The following MLLT10 variants were observed in gnomAD, a reference collection of about 807,000 sequenced individuals.
MLLT10 encodes the protein MLLT10 histone lysine methyltransferase DOT1L cofactor.
MLLT10 carries 30 observed loss-of-function variants against 129.1 expected under a neutral mutation model. That is an observed-to-expected ratio of 0.23 (90% confidence interval 0.17 to 0.32). The LOEUF (loss-of-function observed/expected upper bound fraction) is 0.32. Among genes scored for constraint, MLLT10 ranks in the 10% least tolerant of loss-of-function variants. The pLI, the probability that MLLT10 is intolerant of heterozygous loss-of-function variation, is 1.00. For synonymous variants in MLLT10, 490 were observed against 446.4 expected (o/e 1.10, Z -1.23); for missense variants, 1,119 against 1,268.3 (o/e 0.88, Z 1.79).
At chr10:21,583,531 A>G (rs1174892935) in intron 3 of MLLT10, among the ~76,000 whole-genome samples, 5 of 152,166 alleles carry the variant, frequency 3.3e-5, no homozygotes, top group Non-Finnish European at 7.4e-5. Context: ...TATAAAGAAA[A>G]GAGGTTTATT....
chr10:21,598,175 G>A lies in MLLT10; in HGVS notation c.405+2735G>A, dbSNP rs571449711. Among the ~76,000 whole-genome samples the A allele has an allele frequency of 3.3e-5, 5 of 152,176 alleles. No individual in the cohort carries two copies. In the East Asian group the frequency reaches 9.7e-4, roughly 29 times the overall value. ...CTGTAAGGTGAAGCTTTCTTTACTT[G>A]CTGATTATTTGTATTAGTATGGACT... On this transcript the variant is annotated intron_variant, in intron 5 of 22. Coordinates refer to ENST00000307729, the MANE Select transcript of MLLT10 (RefSeq NM_001195626.3).
intron 9 of MLLT10, among the ~76,000 whole-genome samples, chr10:21,668,508 A>C (rs147130477): frequency 7.2e-5 from 11 of 152,276 alleles, no homozygotes; most frequent in Non-Finnish European, 1.6e-4. Flanking sequence ...AAAAATTGTT[A>C]ACATCTAAAG....
intron 14 of MLLT10, among the ~76,000 whole-genome samples, chr10:21,716,043 C>T (rs562566542): frequency 6.6e-6 from 1 of 152,348 alleles, no homozygotes; most frequent in South Asian, 2.1e-4. Context: ...GTTGACCTCT[C>T]AGTTGAACTG....
At chr10:21,610,365 A>G (rs761879431) in intron 5 of MLLT10, among the ~76,000 whole-genome samples, 3 of 152,188 alleles carry the variant, frequency 2.0e-5, no homozygotes, top group Non-Finnish European at 2.9e-5. Flanking sequence ...GGGAGCCCTC[A>G]TCTTCTTGGC....
At position 21,551,503 on chromosome 10, in the gene MLLT10, A is replaced by G. The variant is rs555444369; in HGVS notation, c.240+12591A>G. 3.0e-4 allele frequency among the ~76,000 whole-genome samples: 46 copies of G among 151,896 alleles called. 3 individuals are homozygous for G. In the South Asian group the frequency reaches 9.4e-3, roughly 31 times the overall value. ...TAGCTTTCAAAGAGGTGGTTTTCAA[A>G]AATTAACACATTTGGTGCTTACCAT... On this transcript the variant is annotated intron_variant, in intron 3 of 22. Transcript: ENST00000307729.
intron 5 of MLLT10, among the ~76,000 whole-genome samples, chr10:21,610,631 T>A (rs934763597): frequency 1.3e-4 from 20 of 151,628 alleles, no homozygotes; most frequent in South Asian, 8.3e-4. Flanking sequence ...TTTTTTTTTT[T>A]ATAAATAAAA....
chr10:21,679,010 C>A (rs1772828153), intron 11 of MLLT10, among the ~76,000 whole-genome samples: 1 of 152,176 alleles, frequency 6.6e-6, no homozygotes, highest in African/African-American at 2.4e-5. Flanking sequence ...TCTCTCATGA[C>A]ATGTTCAAAT....
chr10:21,713,889 A>G lies in MLLT10; in HGVS notation c.1817A>G (p.Gln606Arg). 6.2e-7 allele frequency: 1 copy of G among 1,613,966 alleles called. No individual in the cohort carries two copies. The highest frequency in any genetic ancestry group is 2.2e-5 in the East Asian group (1 of 44,862). The change falls in exon 14 of 23, where the codon CAA (glutamine) becomes CGA (arginine). Residue 606 changes from glutamine to arginine, a missense_variant. By Grantham distance (43) the Gln-to-Arg change is conservative. This residue lies in a region of MLLT10 where 1,004 missense variants were observed against 1,008.7 expected (regional missense o/e 1.00). Transcript: ENST00000307729. The part of the protein sequence containing the change: ...LPQQSSGHLQ[Q>R]VGALSPSAVS... ...CAGCAGTCTTCTGGGCATTTGCAAC[A>G]AGTAGGAGCGCTCTCTCCCTCAGCT...
chr10:21,654,747 C>T (rs115459500), intron 9 of MLLT10, among the ~76,000 whole-genome samples: 4,505 of 152,136 alleles, frequency 0.03, 222 homozygotes, highest in African/African-American at 0.1. Context: ...CATCTGAATA[C>T]AGCGAATGAG....
At position 21,617,242 on chromosome 10, in the gene MLLT10, A is replaced by G. The variant is rs780404834; in HGVS notation, c.699+35A>G. 27 of 1,220,948 alleles carry G rather than the reference A, an allele frequency of 2.2e-5. No homozygotes were observed. The South Asian group carries it at 3.1e-4, about 14-fold the overall frequency. 75.6% of individuals were successfully genotyped at this position (1,220,948 alleles called of 1,614,324 possible). A position where few individuals can be genotyped will look rare whatever the true frequency, so the allele number is the denominator to read the frequency against. Reference sequence around the variant, plus strand: ...TTTGTTGTTGCTAAATTTGTAGCACATCTACTTAATAGAATTTTTTTTTGC... The same window carrying G: ...TTTGTTGTTGCTAAATTTGTAGCACGTCTACTTAATAGAATTTTTTTTTGC... On this transcript the variant is annotated intron_variant, in intron 8 of 22. Transcript: ENST00000307729.
chr10:21,684,176 A>G (rs1405129574), intron 13 of MLLT10, among the ~76,000 whole-genome samples: 1 of 152,004 alleles, frequency 6.6e-6, no homozygotes, highest in Non-Finnish European at 1.5e-5. Context: ...ATGCCTGGCT[A>G]ATACATTATT....
chr10:21,572,336 T>G (rs2040290765), intron 3 of MLLT10, among the ~76,000 whole-genome samples: 1 of 152,194 alleles, frequency 6.6e-6, no homozygotes, highest in African/African-American at 2.4e-5. Flanking sequence ...TAAAACCTTT[T>G]TCTTCTTTTT....
At chr10:21,541,309 C>T (rs1378049712) in intron 3 of MLLT10, 2 of 152,208 alleles carry the variant, frequency 1.3e-5, no homozygotes, top group East Asian at 3.9e-4. Context: ...CCTTGAAGTC[C>T]TGAGCTCAAG....
In MLLT10 at chr10:21,673,576, T is replaced by C; in HGVS notation, c.1278T>C (p.Val426=). 1.2e-6 allele frequency: 2 copies of C among 1,613,374 alleles called. No homozygotes were observed. The highest frequency in any genetic ancestry group is 1.7e-6 in the Non-Finnish European group (2 of 1,179,776). The change falls in exon 11 of 23, where the codon GTT becomes GTC. Residue 426 remains valine (V), a synonymous_variant. Transcript: ENST00000307729. ...TLIGLPSTSA[V]TSQPKSFENS... is the part of the protein sequence containing the mutation. ...TTGGCCTCCCTTCAACCTCAGCTGT[T>C]ACTTCACAGCCTAAAAGCTTTGAAA...
chr10:21,545,660 A>G (rs575549477), intron 3 of MLLT10, among the ~76,000 whole-genome samples: 5 of 152,212 alleles, frequency 3.3e-5, no homozygotes, highest in Non-Finnish European at 4.4e-5. Context: ...ACACTTTCTC[A>G]TGACTATTTT....
At chr10:21,675,652 C>A (rs929657307) in intron 11 of MLLT10, among the ~76,000 whole-genome samples, 4 of 152,116 alleles carry the variant, frequency 2.6e-5, no homozygotes, top group African/African-American at 9.7e-5. Flanking sequence ...CAAATTTAGT[C>A]AAAAAATTGA....
chr10:21,556,635 C>T, intron 3 of MLLT10: 1 of 1,602,106 alleles, frequency 6.2e-7, no homozygotes, highest in Non-Finnish European at 8.5e-7. Context: ...GTTTTGATTG[C>T]TTTTCAGATG....
chr10:21,717,911 T>TCC lies in MLLT10; in HGVS notation c.1878+3961_1878+3962insCC, dbSNP rs1205087225. Among the ~76,000 whole-genome samples, 7 of 146,834 alleles carry TCC rather than the reference T, an allele frequency of 4.8e-5. No homozygotes were observed. In the East Asian group the frequency reaches 8.2e-4, roughly 17 times the overall value. On this transcript the variant is annotated intron_variant, in intron 14 of 22. Transcript: ENST00000307729. Reference sequence around the variant, plus strand: ...CTTCTCCTCCTCCTCCTCCTCCTCCTTCTCCTTCTCCTTCTTCTTCTCCTT... The same window carrying TCC: ...CTTCTCCTCCTCCTCCTCCTCCTCCTCCTCTCCTTCTCCTTCTTCTTCTCCTT...
intron 9 of MLLT10, among the ~76,000 whole-genome samples, chr10:21,663,911 G>C (rs1364599995): frequency 6.6e-6 from 1 of 152,070 alleles, no homozygotes; most frequent in Non-Finnish European, 1.5e-5. Flanking sequence ...ATAAGAGTTG[G>C]TGATTTTCAG....
Sources: gnomAD v4.1 joint callset for allele counts (sites outside exome capture counted in the v4.1 genomes callset) on GRCh38, gnomAD v4.1.1 for gene constraint, gnomAD v4.1.1 regional missense constraint, MANE v1.5 for transcripts, NCBI Gene and HGNC (gene_info 2026-07-23, HGNC 2026-07-21) for gene names.